The following SRGAP1 variants were observed in gnomAD, a reference collection of about 807,000 sequenced individuals.
The protein encoded by SRGAP1 is SLIT-ROBO Rho GTPase activating protein 1.
SRGAP1 carries 43 observed loss-of-function variants against 121.9 expected under a neutral mutation model. The observed-to-expected ratio is 0.35, with a 90% CI of 0.28 to 0.46. The LOEUF (loss-of-function observed/expected upper bound fraction) is 0.46, where lower values mean the gene tolerates loss of function less well. Ranked by LOEUF, SRGAP1 falls within the 20% of genes least tolerant of loss-of-function variation. The pLI, the probability that SRGAP1 is intolerant of heterozygous loss-of-function variation, is 1.00. For missense variants in SRGAP1, 1,102 were observed against 1,350.9 expected, an observed-to-expected ratio of 0.82 and a Z score of 2.89; for synonymous variants, 447 against 485.4, an observed-to-expected ratio of 0.92 and a Z score of 1.04.
chr12:64,068,062 T>C (rs1027626814), intron 8 of SRGAP1, among the ~76,000 whole-genome samples: 2 of 152,056 alleles, frequency 1.3e-5, no homozygotes, highest in Non-Finnish European at 2.9e-5. Flanking sequence ...GCAGATTGCC[T>C]GAGCTCAAGA....
At chr12:64,059,603 A>G (rs570558756) in intron 6 of SRGAP1, among the ~76,000 whole-genome samples, 1 of 150,400 alleles carries the variant, frequency 6.6e-6, no homozygotes. Flanking sequence ...TGGTACATCT[A>G]AAAAAAAAGG....
At chr12:64,042,494 T>C (rs961027821) in intron 4 of SRGAP1, among the ~76,000 whole-genome samples, 1 of 152,176 alleles carries the variant, frequency 6.6e-6, no homozygotes, top group Non-Finnish European at 1.5e-5. Context: ...AGAAATACTT[T>C]TAAGCTTAAG....
chr12:64,074,879 A>G (rs1407748560), intron 8 of SRGAP1, among the ~76,000 whole-genome samples: 1 of 152,190 alleles, frequency 6.6e-6, no homozygotes, highest in Non-Finnish European at 1.5e-5. Flanking sequence ...GTTATGCACA[A>G]ATATTTTAAA....
chr12:63,865,946 A>G (rs1421240790), intron 1 of SRGAP1, among the ~76,000 whole-genome samples: 1 of 152,136 alleles, frequency 6.6e-6, no homozygotes, highest in Non-Finnish European at 1.5e-5. Flanking sequence ...CACTCAGCTC[A>G]TCGTTGTCGG....
rs2037136144 is a variant in SRGAP1, at chr12:64,153,280, T to C, written c.*10608T>C. On this transcript the variant is annotated 3_prime_UTR_variant, in exon 22 of 22. Transcript: ENST00000355086. ...GGAGATGAAAATAAAGGCCAGAATG[T>C]GGACAGAGATCAGATTTTGGAGGCC... is the stretch of plus-strand genomic sequence containing the variant. The C allele has an allele frequency of 6.6e-6, 1 of 152,030 alleles. No homozygotes were observed. The highest frequency in any genetic ancestry group is 1.5e-5 in the Non-Finnish European group (1 of 68,038). The allele number at this position is 152,030 out of a possible 1,614,324, so 9.4% of individuals were successfully genotyped here.
At chr12:64,131,870 G>A (rs1163708450) in intron 21 of SRGAP1, among the ~76,000 whole-genome samples, 1 of 152,202 alleles carries the variant, frequency 6.6e-6, no homozygotes, top group African/African-American at 2.4e-5. Context: ...CAGGCCAAGA[G>A]CTGTCTCTCA....
At chr12:63,972,964 A>G (rs1384040296) in intron 1 of SRGAP1, among the ~76,000 whole-genome samples, 4 of 152,194 alleles carry the variant, frequency 2.6e-5, no homozygotes, top group South Asian at 4.2e-4. Context: ...CCTGGCCAAC[A>G]TGACAAACCT....
At chr12:64,002,884 A>G (rs938659126) in intron 3 of SRGAP1, among the ~76,000 whole-genome samples, 8 of 152,092 alleles carry the variant, frequency 5.3e-5, no homozygotes, top group Admixed American at 6.6e-5. Flanking sequence ...TCCAGAACAC[A>G]ATCCAAAATT....
intron 1 of SRGAP1, among the ~76,000 whole-genome samples, chr12:63,960,447 C>A (rs1262210535): frequency 6.6e-6 from 1 of 152,060 alleles, no homozygotes; most frequent in Admixed American, 6.5e-5. Flanking sequence ...CCCAGTCTGA[C>A]CTTGCTGCAG....
intron 1 of SRGAP1, among the ~76,000 whole-genome samples, chr12:63,862,700 C>G (rs777775793): frequency 1.2e-4 from 19 of 152,284 alleles, no homozygotes; most frequent in Non-Finnish European, 2.2e-4. Context: ...AGGAAGACAT[C>G]CGTTTGCTCA....
intron 4 of SRGAP1, among the ~76,000 whole-genome samples, chr12:64,039,627 A>ATGTGTGTGTGTGTGTGTGTGTGTGTGTG (rs1565652059): frequency 2.6e-5 from 1 of 38,318 alleles, no homozygotes; most frequent in Non-Finnish European, 6.4e-5. Context: ...CAGCTGAGCA[A>ATGTGTGTGTGTGTGTGTGTGTGTGTGTG]CGTGTGTGTG....
intron 1 of SRGAP1, among the ~76,000 whole-genome samples, chr12:63,967,402 A>C (rs1369766115): frequency 6.6e-6 from 1 of 152,234 alleles, no homozygotes; most frequent in Non-Finnish European, 1.5e-5. Flanking sequence ...TGATTGCACC[A>C]CTGCACTTCA....
intron 1 of SRGAP1, among the ~76,000 whole-genome samples, chr12:63,937,385 A>G (rs2031699690): frequency 6.6e-6 from 1 of 152,200 alleles, no homozygotes; most frequent in South Asian, 2.1e-4. Flanking sequence ...TATATAATCT[A>G]CTATAGAACT....
chr12:63,913,191 C>CTTTTTTTTT (rs1565947652), intron 1 of SRGAP1, among the ~76,000 whole-genome samples: 1 of 111,810 alleles, frequency 8.9e-6, no homozygotes, highest in African/African-American at 3.3e-5. Context: ...CTGGTAAATC[C>CTTTTTTTTT]TTCTTTTTTT....
chr12:64,083,168 G>C (rs2035877604), intron 10 of SRGAP1, among the ~76,000 whole-genome samples: 1 of 152,158 alleles, frequency 6.6e-6, no homozygotes, highest in Non-Finnish European at 1.5e-5. Context: ...CCCATGGTGA[G>C]CTCTTATGGA....
intron 1 of SRGAP1, among the ~76,000 whole-genome samples, chr12:63,950,686 G>A (rs1045481673): frequency 1.3e-5 from 2 of 152,068 alleles, no homozygotes; most frequent in Non-Finnish European, 2.9e-5. Context: ...AAGTCTTTGA[G>A]TTTTCAAGGA....
At chr12:63,862,369 C>T (rs1028050201) in intron 1 of SRGAP1, among the ~76,000 whole-genome samples, 28 of 152,060 alleles carry the variant, frequency 1.8e-4, no homozygotes, top group South Asian at 4.2e-4. Flanking sequence ...TGGCACAAGA[C>T]GAGCATTTAC....
intron 6 of SRGAP1, among the ~76,000 whole-genome samples, chr12:64,057,643 C>G (rs546424722): frequency 6.6e-6 from 1 of 152,202 alleles, no homozygotes; most frequent in Non-Finnish European, 1.5e-5. Flanking sequence ...ATATCCATGG[C>G]TTTAGAATGA....
At chr12:63,906,057 C>A (rs575875988) in intron 1 of SRGAP1, among the ~76,000 whole-genome samples, 70 of 152,294 alleles carry the variant, frequency 4.6e-4, no homozygotes, top group African/African-American at 1.6e-3. Flanking sequence ...CAATCCCACC[C>A]CAACCCTAGG....
Sources: allele counts gnomAD v4.1 joint callset (sites outside exome capture counted in the v4.1 genomes callset), GRCh38; gene constraint gnomAD v4.1.1; transcripts MANE v1.5; gene names NCBI Gene and HGNC (gene_info 2026-07-23, HGNC 2026-07-21).